AFG2A: variants seen among roughly 807,000 people sequenced by gnomAD.
AFG2A encodes AAA ATPase AFG2A, also known as ATPase family gene 2 protein homolog A.
the AFG2A span, among the ~76,000 whole-genome samples, chr4:123,174,953 C>G: frequency 6.6e-6 from 1 of 152,036 alleles, no homozygotes. Context: ...ACCTCATCCC[C>G]CTCAGGTAGC....
chr4:122,995,725 G>C, the AFG2A span, among the ~76,000 whole-genome samples: 1 of 152,154 alleles, frequency 6.6e-6, no homozygotes, highest in Non-Finnish European at 1.5e-5. Context: ...ATTTCTGATG[G>C]TTATCTTGTT....
At chr4:123,066,009 C>T in the AFG2A span, among the ~76,000 whole-genome samples, 1 of 152,096 alleles carries the variant, frequency 6.6e-6, no homozygotes, top group African/African-American at 2.4e-5. Flanking sequence ...TGACTGGTAT[C>T]TTCTGTGTGG....
the AFG2A span, among the ~76,000 whole-genome samples, chr4:123,040,637 A>C: frequency 6.6e-6 from 1 of 152,198 alleles, no homozygotes; most frequent in Non-Finnish European, 1.5e-5. Context: ...CCTGTATCTA[A>C]AAATAAGCTT....
At chr4:123,060,024 A>G in the AFG2A span, among the ~76,000 whole-genome samples, 70 of 152,060 alleles carry the variant, frequency 4.6e-4, no homozygotes, top group Admixed American at 2.0e-4. Flanking sequence ...TTGTAAAGAT[A>G]GTCAAATCTT....
the AFG2A span, among the ~76,000 whole-genome samples, chr4:122,978,758 A>G: frequency 2.6e-5 from 4 of 152,212 alleles, no homozygotes; most frequent in East Asian, 7.7e-4. Context: ...GAGGGGACCA[A>G]GGTGGAAGGG....
At chr4:123,155,705 C>T in the AFG2A span, among the ~76,000 whole-genome samples, 3 of 152,122 alleles carry the variant, frequency 2.0e-5, no homozygotes, top group Admixed American at 1.3e-4. Flanking sequence ...AGAGGATGTG[C>T]GTAGGTCATA....
chr4:123,155,629 A>AGT, the AFG2A span, among the ~76,000 whole-genome samples: 2 of 115,942 alleles, frequency 1.7e-5, no homozygotes, highest in Non-Finnish European at 3.5e-5. Flanking sequence ...TTAAAAAAAT[A>AGT]ACTATCTGTA....
At chr4:123,277,355 A>G in the AFG2A span, among the ~76,000 whole-genome samples, 1 of 152,156 alleles carries the variant, frequency 6.6e-6, no homozygotes, top group African/African-American at 2.4e-5. Flanking sequence ...TACTGAAGTT[A>G]TCAGATCCAG....
the AFG2A span, among the ~76,000 whole-genome samples, chr4:122,961,510 T>A: frequency 6.6e-6 from 1 of 152,180 alleles, no homozygotes; most frequent in Admixed American, 6.5e-5. Flanking sequence ...TTGACAGATT[T>A]TCTTTCTTTT....
chr4:123,071,485 CAAA>C, the AFG2A span, among the ~76,000 whole-genome samples: 50 of 139,896 alleles, frequency 3.6e-4, no homozygotes, highest in Non-Finnish European at 3.3e-4. Flanking sequence ...CGTCCCCCTC[CAAA>C]AAAAAAAAAA....
chr4:122,943,460 C>T, the AFG2A span, among the ~76,000 whole-genome samples: 2 of 152,116 alleles, frequency 1.3e-5, no homozygotes, highest in Admixed American at 1.3e-4. Context: ...ATTGCAAGCC[C>T]TGCCTTTTTT....
chr4:123,170,228 A>G, the AFG2A span, among the ~76,000 whole-genome samples: 2 of 152,146 alleles, frequency 1.3e-5, no homozygotes, highest in African/African-American at 4.8e-5. Flanking sequence ...TTGAACTAGT[A>G]AGTCTTCTGG....
chr4:123,220,160 C>T, the AFG2A span, among the ~76,000 whole-genome samples: 1 of 152,082 alleles, frequency 6.6e-6, no homozygotes, highest in Admixed American at 6.6e-5. Context: ...TGAGCCACTG[C>T]ACCCGGCAGA....
the AFG2A span, among the ~76,000 whole-genome samples, chr4:123,193,097 C>A: frequency 1.3e-5 from 2 of 152,058 alleles, no homozygotes; most frequent in Non-Finnish European, 2.9e-5. Flanking sequence ...TCTTAGAAAC[C>A]TGAAGCTTCT....
the AFG2A span, among the ~76,000 whole-genome samples, chr4:123,227,617 A>T: frequency 1.3e-5 from 2 of 151,828 alleles, no homozygotes; most frequent in Non-Finnish European, 2.9e-5. Flanking sequence ...TGCTGAGGAG[A>T]GCTTTACTTC....
the AFG2A span, among the ~76,000 whole-genome samples, chr4:123,095,564 T>A: frequency 5.3e-5 from 8 of 152,124 alleles, no homozygotes; most frequent in Non-Finnish European, 1.2e-4. Context: ...AACAAAACAG[T>A]TTTAAGGACA....
the AFG2A span, among the ~76,000 whole-genome samples, chr4:122,958,364 T>A: frequency 1.3e-5 from 2 of 152,210 alleles, no homozygotes; most frequent in African/African-American, 2.4e-5. Context: ...ATGGAGTGCT[T>A]GTAAATGGCC....
At chr4:123,046,054 A>G in the AFG2A span, among the ~76,000 whole-genome samples, 1 of 151,660 alleles carries the variant, frequency 6.6e-6, no homozygotes, top group Non-Finnish European at 1.5e-5. Context: ...TGGAGATTGC[A>G]CCACTGCCCT....
the AFG2A span, among the ~76,000 whole-genome samples, chr4:123,007,629 T>TATAC: frequency 2.9e-4 from 29 of 99,120 alleles, no homozygotes; most frequent in African/African-American, 1.3e-3. Flanking sequence ...TATATATATA[T>TATAC]ACACACACAC....
Sources: gnomAD v4.1 joint callset for allele counts (sites outside exome capture counted in the v4.1 genomes callset) on GRCh38, gnomAD v4.1.1 for gene constraint, MANE v1.5 for transcripts, NCBI Gene and HGNC (gene_info 2026-07-23, HGNC 2026-07-21) for gene names.